Variants in FHIT observed in about 807,000 individuals in gnomAD.
FHIT encodes the protein bis(5'-adenosyl)-triphosphatase.
In FHIT, 19 loss-of-function variants were observed where a neutral mutation model predicts 17.9. That is an observed-to-expected ratio of 1.06 (90% CI 0.74 to 1.56). FHIT has a LOEUF of 1.56. FHIT is among the 40% of genes most tolerant of loss of function. FHIT has a pLI of 0.00. For missense variants in FHIT, 248 were observed against 189.2 expected, an observed-to-expected ratio of 1.31 and a Z score of -1.82; for synonymous variants, 81 against 69.7, an observed-to-expected ratio of 1.16 and a Z score of -0.81.
At chr3:60,981,132 C>T (rs1349977332) in intron 3 of FHIT, among the ~76,000 whole-genome samples, 1 of 152,158 alleles carries the variant, frequency 6.6e-6, no homozygotes, top group Non-Finnish European at 1.5e-5. Context: ...GTACTTCTGG[C>T]ATGAAAGCCA....
At chr3:60,236,123 T>G (rs1274358679) in intron 5 of FHIT, among the ~76,000 whole-genome samples, 1 of 152,002 alleles carries the variant, frequency 6.6e-6, no homozygotes, top group Non-Finnish European at 1.5e-5. Flanking sequence ...TGAATGCAAC[T>G]TCTTTCAGAA....
At chr3:60,331,806 G>A (rs1447549801) in intron 5 of FHIT, among the ~76,000 whole-genome samples, 4 of 150,482 alleles carry the variant, frequency 2.7e-5, no homozygotes, top group Non-Finnish European at 1.5e-5. Context: ...AGATTGCGCC[G>A]TTGCACTCCA....
At chr3:60,684,880 G>C (rs375377830) in intron 4 of FHIT, among the ~76,000 whole-genome samples, 75 of 152,250 alleles carry the variant, frequency 4.9e-4, no homozygotes, top group African/African-American at 1.8e-3. Flanking sequence ...TGTTGCTCTA[G>C]TATATTGACT....
intron 8 of FHIT, among the ~76,000 whole-genome samples, chr3:59,909,896 AAG>A (rs1704785655): frequency 6.6e-6 from 1 of 152,214 alleles, no homozygotes; most frequent in Non-Finnish European, 1.5e-5. Context: ...AGAGAATATG[AAG>A]AAAGGAACAG....
At chr3:60,030,916 T>G (rs1408062856) in intron 5 of FHIT, among the ~76,000 whole-genome samples, 1 of 152,266 alleles carries the variant, frequency 6.6e-6, no homozygotes, top group East Asian at 1.9e-4. Context: ...TGTTATTTTC[T>G]TAATGTTTTA....
intron 8 of FHIT, among the ~76,000 whole-genome samples, chr3:59,899,022 C>G (rs900363294): frequency 2.0e-5 from 3 of 152,272 alleles, no homozygotes; most frequent in African/African-American, 4.8e-5. Flanking sequence ...GTCTGCCCAC[C>G]ATCAGAGTCC....
intron 5 of FHIT, among the ~76,000 whole-genome samples, chr3:60,025,103 T>G (rs1358182295): frequency 6.6e-6 from 1 of 152,040 alleles, no homozygotes; most frequent in East Asian, 1.9e-4. Context: ...GGGTAGTAGG[T>G]GAAGAGTGAT....
At chr3:60,490,317 C>G (rs1013177409) in intron 5 of FHIT, among the ~76,000 whole-genome samples, 1 of 151,854 alleles carries the variant, frequency 6.6e-6, no homozygotes, top group African/African-American at 2.4e-5. Context: ...TAAACTCTCA[C>G]CTTAGTTAAC....
At chr3:61,066,742 G>A (rs2034624722) in intron 2 of FHIT, among the ~76,000 whole-genome samples, 1 of 152,190 alleles carries the variant, frequency 6.6e-6, no homozygotes, top group African/African-American at 2.4e-5. Flanking sequence ...CCTAGTTAGT[G>A]TACCCCTGAA....
chr3:59,910,839 C>T (rs746649794), intron 8 of FHIT, among the ~76,000 whole-genome samples: 5 of 151,576 alleles, frequency 3.3e-5, no homozygotes, highest in Admixed American at 1.3e-4. Flanking sequence ...CTTGGCTTTA[C>T]GAAAGCACAG....
At chr3:59,778,012 G>A (rs1449659216) in intron 8 of FHIT, among the ~76,000 whole-genome samples, 1 of 152,100 alleles carries the variant, frequency 6.6e-6, no homozygotes, top group Non-Finnish European at 1.5e-5. Context: ...ATCATACCAA[G>A]TTTCATTTCC....
intron 4 of FHIT, among the ~76,000 whole-genome samples, chr3:60,585,968 C>G (rs1161618756): frequency 2.0e-5 from 3 of 151,842 alleles, no homozygotes; most frequent in Non-Finnish European, 4.4e-5. Context: ...TTAGAACATA[C>G]AGTATTATCC....
At chr3:60,365,434 C>G (rs1413683227) in intron 5 of FHIT, among the ~76,000 whole-genome samples, 1 of 151,964 alleles carries the variant, frequency 6.6e-6, no homozygotes, top group East Asian at 1.9e-4. Flanking sequence ...TCACAATTCA[C>G]GTTTTAAAAT....
At position 60,995,111 on chromosome 3, in the gene FHIT, G is replaced by C. The variant is rs574556008; in HGVS notation, c.-111+46936C>G. Among the ~76,000 whole-genome samples the C allele has an allele frequency of 7.2e-5, 11 of 152,242 alleles. 1 individual carries two copies. Among genetic ancestry groups the C allele is most frequent in the Middle Eastern group, 3.4e-3 (1 of 294 alleles). On this transcript the variant is annotated intron_variant, in intron 3 of 9. Transcript: ENST00000492590. ...CGAGGCGGGCGGATCACGAGGTCAG[G>C]AGATCGAGACCATCCTGGCTAACAC...
intron 4 of FHIT, among the ~76,000 whole-genome samples, chr3:60,715,368 C>T (rs989759942): frequency 1.3e-5 from 2 of 152,012 alleles, no homozygotes; most frequent in Admixed American, 1.3e-4. Flanking sequence ...TTGGAACCAA[C>T]CAAAATGTCC....
intron 5 of FHIT, among the ~76,000 whole-genome samples, chr3:60,469,250 C>G (rs2032957351): frequency 6.6e-6 from 1 of 152,072 alleles, no homozygotes; most frequent in Admixed American, 6.6e-5. Flanking sequence ...ACTTTTCTCT[C>G]TCTCTCTCTG....
chr3:61,134,969 C>A (rs938022906), intron 2 of FHIT, among the ~76,000 whole-genome samples: 2 of 152,064 alleles, frequency 1.3e-5, no homozygotes, highest in African/African-American at 4.8e-5. Context: ...AGACTCCCAG[C>A]ATAAGAGATG....
chr3:60,141,827 A>C (rs921922100), intron 5 of FHIT, among the ~76,000 whole-genome samples: 11 of 152,352 alleles, frequency 7.2e-5, no homozygotes, highest in Admixed American at 2.0e-4. Flanking sequence ...CATAAATACA[A>C]GGACAGTTGC....
chr3:60,519,911 G>C (rs2035296970), intron 5 of FHIT, among the ~76,000 whole-genome samples: 1 of 152,136 alleles, frequency 6.6e-6, no homozygotes, highest in African/African-American at 2.4e-5. Flanking sequence ...GTGACCATCA[G>C]CTCAGAGATG....
Sources: allele counts gnomAD v4.1 joint callset (sites outside exome capture counted in the v4.1 genomes callset), GRCh38; gene constraint gnomAD v4.1.1; transcripts MANE v1.5; gene names NCBI Gene and HGNC (gene_info 2026-07-23, HGNC 2026-07-21).